MPP7: variants seen among roughly 807,000 people sequenced by gnomAD.
MPP7 encodes the protein MAGUK p55 scaffold protein 7, also known as MAGUK p55 subfamily member 7.
A neutral mutation model predicts 76.5 loss-of-function variants in MPP7; 60 were observed. The observed-to-expected ratio is 0.78, with a 90% CI of 0.64 to 0.97. The LOEUF is 0.97. Ranked by LOEUF, MPP7 falls within the 50% of genes least tolerant of loss-of-function variation. The pLI, the probability that MPP7 is intolerant of heterozygous loss-of-function variation, is 0.00. For synonymous variants in MPP7, 237 were observed against 244.5 expected (o/e 0.97, Z 0.29); for missense variants, 641 against 694.0 (o/e 0.92, Z 0.86).
intron 1 of MPP7, among the ~76,000 whole-genome samples, chr10:28,291,563 C>CA (rs1840920924): frequency 6.6e-6 from 1 of 152,060 alleles, no homozygotes; most frequent in African/African-American, 2.4e-5. Context: ...CCAAAGATCG[C>CA]ACCACTGCAC....
At chr10:28,228,945 A>C (rs201778856) in intron 2 of MPP7, among the ~76,000 whole-genome samples, 1 of 152,170 alleles carries the variant, frequency 6.6e-6, no homozygotes, top group Non-Finnish European at 1.5e-5. Context: ...GGAAAGACCA[A>C]AAAAGACTGA....
chr10:28,105,152 C>CAAAA (rs869250857), intron 11 of MPP7, among the ~76,000 whole-genome samples: 7 of 29,610 alleles, frequency 2.4e-4, no homozygotes, highest in African/African-American at 6.2e-4. Flanking sequence ...GACTCCATCT[C>CAAAA]AAAAAAAAAA....
intron 1 of MPP7, among the ~76,000 whole-genome samples, chr10:28,279,321 G>A (rs1840597684): frequency 6.6e-6 from 1 of 151,986 alleles, no homozygotes; most frequent in Non-Finnish European, 1.5e-5. Context: ...CCTTCCTCAA[G>A]TCACCGATAG....
chr10:28,293,740 C>A (rs1406690098), intron 1 of MPP7, among the ~76,000 whole-genome samples: 1 of 152,084 alleles, frequency 6.6e-6, no homozygotes, highest in Admixed American at 6.5e-5. Flanking sequence ...TCTCTACATA[C>A]CAGGAACTGC....
In MPP7 at chr10:28,054,103, CTG is replaced by C. The variant is rs1851456658; in HGVS notation, c.1691_1692del (p.Thr564ArgfsTer25). 5 of 1,613,864 alleles carry C rather than the reference CTG, an allele frequency of 3.1e-6. No individual in the cohort carries two copies. Among genetic ancestry groups the C allele is most frequent in the Non-Finnish European group, 4.2e-6 (5 of 1,179,922 alleles). The stretch of plus-strand genomic sequence containing the variant: ...CAGCTCACTGGCACCCAATGGGTCT[CTG>C]TCTCTAATTTGTCAAAAGTTGTTTT... ...ELKTTFDKLETETHWVPVSWL... is the reference protein window; with the variant it reads ...ELKTTFDKLEXETHWVPVSWL... On this transcript the variant is annotated frameshift_variant, in exon 17 of 17. Transcript: ENST00000683449. LOFTEE classifies it high-confidence loss of function.
chr10:28,268,440 G>C (rs1003768452), intron 1 of MPP7, among the ~76,000 whole-genome samples: 6 of 151,944 alleles, frequency 3.9e-5, no homozygotes, highest in Non-Finnish European at 8.8e-5. Flanking sequence ...TTATTATAAA[G>C]ACAATTAGGG....
chr10:28,226,563 A>G (rs1366107871), intron 2 of MPP7, among the ~76,000 whole-genome samples: 1 of 152,192 alleles, frequency 6.6e-6, no homozygotes, highest in Non-Finnish European at 1.5e-5. Flanking sequence ...GTTACTCTTA[A>G]TGAGTACTGA....
At chr10:28,151,742 T>C (rs1391709974) in intron 3 of MPP7, among the ~76,000 whole-genome samples, 1 of 152,222 alleles carries the variant, frequency 6.6e-6, no homozygotes, top group South Asian at 2.1e-4. Flanking sequence ...AGTTGCTATG[T>C]TCTTGCAGAC....
intron 2 of MPP7, among the ~76,000 whole-genome samples, chr10:28,221,955 T>C (rs1349914739): frequency 2.6e-5 from 4 of 152,232 alleles, no homozygotes; most frequent in Non-Finnish European, 5.9e-5. Flanking sequence ...ATCTTCTAGA[T>C]ATGATCTCCA....
At chr10:28,215,668 G>A (rs572813270) in intron 2 of MPP7, among the ~76,000 whole-genome samples, 26 of 152,214 alleles carry the variant, frequency 1.7e-4, no homozygotes, top group Middle Eastern at 3.4e-3. Flanking sequence ...AGAGCCATGC[G>A]ACATAATTAC....
intron 11 of MPP7, among the ~76,000 whole-genome samples, chr10:28,107,610 C>G (rs1375883651): frequency 6.6e-6 from 1 of 152,112 alleles, no homozygotes; most frequent in Non-Finnish European, 1.5e-5. Context: ...GCTTCCTGAG[C>G]ATTTACATCC....
chr10:28,081,366 T>C (rs1222863369), intron 12 of MPP7, among the ~76,000 whole-genome samples: 2 of 152,234 alleles, frequency 1.3e-5, no homozygotes, highest in Non-Finnish European at 2.9e-5. Context: ...TCACTGAAGA[T>C]AAGACTTGTC....
intron 12 of MPP7, among the ~76,000 whole-genome samples, chr10:28,083,532 C>CTTTT (rs5784040): frequency 3.7e-4 from 30 of 81,748 alleles, no homozygotes; most frequent in African/African-American, 9.9e-4. Context: ...TTTTCTTCCT[C>CTTTT]TTTTTTTTTT....
chr10:28,292,620 A>T (rs183497401), intron 1 of MPP7, among the ~76,000 whole-genome samples: 19 of 152,322 alleles, frequency 1.2e-4, no homozygotes, highest in East Asian at 1.9e-4. Flanking sequence ...AATGGGACAT[A>T]TTTTTTTAAA....
chr10:28,320,278 A>G (rs1335329119), intron 2 of MPP7, among the ~76,000 whole-genome samples: 1 of 152,218 alleles, frequency 6.6e-6, no homozygotes, highest in Non-Finnish European at 1.5e-5. Flanking sequence ...ATATGTCTAA[A>G]GGAAAACGAG....
intron 13 of MPP7, among the ~76,000 whole-genome samples, chr10:28,065,920 A>G (rs1417028476): frequency 6.6e-6 from 1 of 152,190 alleles, no homozygotes; most frequent in Non-Finnish European, 1.5e-5. Context: ...GCTATCAAAT[A>G]TTTGATGTCT....
intron 3 of MPP7, among the ~76,000 whole-genome samples, chr10:28,193,265 T>G (rs1020862731): frequency 7.3e-5 from 11 of 149,836 alleles, no homozygotes; most frequent in Non-Finnish European, 8.9e-5. Flanking sequence ...CAGGCTGGAG[T>G]GCAGTGGCAC....
rs775712498 is a variant in MPP7 at position 28,332,243 on chromosome 10, A to ATGTGTGTGTGTGTG, written c.-206+2174_-206+2175insCACACACACACACA. The stretch of plus-strand genomic sequence containing the variant: ...CGTACATTGCCAGTTTGTCAAATGT[A>ATGTGTGTGTGTGTG]TGCGTGTGTGTGTGTGTGTGTGTGT... On this transcript the variant is annotated intron_variant, in intron 1 of 11. Coordinates refer to the MPP7 transcript ENST00000441595. Among the ~76,000 whole-genome samples the ATGTGTGTGTGTGTG allele has an allele frequency of 7.5e-3, 763 of 102,038 alleles. 4 individuals are homozygous for ATGTGTGTGTGTGTG. The highest frequency in any genetic ancestry group is 0.023 in the South Asian group (75 of 3,244). The allele number at this position is 102,038 out of a possible 152,430, so 66.9% of individuals were successfully genotyped here. A position where few individuals can be genotyped will look rare whatever the true frequency, so the allele number is the denominator to read the frequency against.
At chr10:28,084,547 T>C (rs953647450) in intron 12 of MPP7, among the ~76,000 whole-genome samples, 3 of 152,186 alleles carry the variant, frequency 2.0e-5, no homozygotes, top group Non-Finnish European at 4.4e-5. Context: ...CCAGAATGCA[T>C]GTTAAATCTG....
Sources: gnomAD v4.1 joint callset for allele counts (sites outside exome capture counted in the v4.1 genomes callset) on GRCh38, gnomAD v4.1.1 for gene constraint, MANE v1.5 for transcripts, NCBI Gene and HGNC (gene_info 2026-07-23, HGNC 2026-07-21) for gene names.